SOX5: variants seen among roughly 807,000 people sequenced by gnomAD.
SOX5 encodes SRY-box transcription factor 5, also known as transcription factor SOX-5.
In SOX5, 9 loss-of-function variants were observed where a neutral mutation model predicts 92.0. That is an observed-to-expected ratio of 0.10 (90% CI 0.06 to 0.17). SOX5 has a LOEUF of 0.17. SOX5 is among the 10% of genes least tolerant of loss of function. The pLI is 1.00. For synonymous variants in SOX5, 344 were observed against 336.3 expected (o/e 1.02, Z -0.25); for missense variants, 642 against 944.5 (o/e 0.68, Z 4.20).
At chr12:23,721,332 G>A (rs1320185753) in intron 6 of SOX5, among the ~76,000 whole-genome samples, 3 of 152,042 alleles carry the variant, frequency 2.0e-5, no homozygotes, top group East Asian at 1.9e-4. Context: ...TGATCCACCA[G>A]CCTCAGCCTC....
At chr12:23,559,639 CCTT>C (rs1462300223) in intron 11 of SOX5, among the ~76,000 whole-genome samples, 1 of 152,156 alleles carries the variant, frequency 6.6e-6, no homozygotes, top group Non-Finnish European at 1.5e-5. Context: ...AGAATTAAGA[CCTT>C]CTAGCTGGGA....
rs539911795 is a variant in SOX5 at position 24,117,980 on chromosome 12, C to A, written c.-2+95363G>T. On this transcript the variant is annotated intron_variant, in intron 4 of 4. Transcript: ENST00000446891. ...GTTGCAGTAAGCCCAGATGGTGCCA[C>A]CGCATTCCAGCCTGGGGAACAGAGC... 2.0e-5 allele frequency among the ~76,000 whole-genome samples: 3 copies of A among 148,112 alleles called. No homozygotes were observed. The South Asian group carries it at 6.5e-4, about 32-fold the overall frequency.
chr12:24,262,587 A>T lies in SOX5; in HGVS notation c.-77+14629T>A, dbSNP rs566067353. On this transcript the variant is annotated intron_variant, in intron 3 of 4. Transcript: ENST00000446891. ...CATAGCAAGGTGACCCCATCTTGAG[A>T]CAACTGGCATTCCTAATATGGACAG... Among the ~76,000 whole-genome samples, 4 of 152,332 alleles carry T rather than the reference A, an allele frequency of 2.6e-5. No homozygotes were observed. The South Asian group carries it at 8.3e-4, about 32-fold the overall frequency.
intron 4 of SOX5, among the ~76,000 whole-genome samples, chr12:23,963,855 C>T (rs1947249954): frequency 6.7e-6 from 1 of 150,106 alleles, no homozygotes; most frequent in African/African-American, 2.4e-5. Flanking sequence ...AACAGGAATT[C>T]TGCAAATAAA....
intron 4 of SOX5, among the ~76,000 whole-genome samples, chr12:24,211,348 TTA>T (rs1161913279): frequency 1.3e-5 from 2 of 152,234 alleles, no homozygotes; most frequent in African/African-American, 4.8e-5. Context: ...AATCTTCACT[TTA>T]TGTTTTCTTC....
intron 4 of SOX5, among the ~76,000 whole-genome samples, chr12:24,147,518 A>G (rs1206763545): frequency 1.3e-5 from 2 of 152,200 alleles, no homozygotes; most frequent in East Asian, 3.8e-4. Context: ...ATCAGGAACA[A>G]GACAAGATGT....
intron 3 of SOX5, among the ~76,000 whole-genome samples, chr12:24,263,622 A>AT (rs1942584372): frequency 6.6e-6 from 1 of 152,050 alleles, no homozygotes; most frequent in African/African-American, 2.4e-5. Flanking sequence ...GTTTCTGTAC[A>AT]TTTTGAGCAC....
At chr12:23,864,340 C>T (rs1161783544) in intron 2 of SOX5, among the ~76,000 whole-genome samples, 1 of 152,018 alleles carries the variant, frequency 6.6e-6, no homozygotes, top group African/African-American at 2.4e-5. Context: ...CATACAATGG[C>T]CTCTAAGGGT....
intron 3 of SOX5, among the ~76,000 whole-genome samples, chr12:24,269,113 T>G (rs1594985087): frequency 6.6e-6 from 1 of 152,196 alleles, no homozygotes; most frequent in Non-Finnish European, 1.5e-5. Flanking sequence ...TTACAGTATA[T>G]TGGGATTATT....
At chr12:23,654,067 TA>T (rs2082012368) in intron 7 of SOX5, among the ~76,000 whole-genome samples, 1 of 152,040 alleles carries the variant, frequency 6.6e-6, no homozygotes, top group Non-Finnish European at 1.5e-5. Flanking sequence ...TATAAGACAA[TA>T]ATTATACAAA....
At chr12:24,145,125 A>G (rs1950945877) in intron 4 of SOX5, among the ~76,000 whole-genome samples, 1 of 152,078 alleles carries the variant, frequency 6.6e-6, no homozygotes, top group Non-Finnish European at 1.5e-5. Flanking sequence ...AAAGAAATAA[A>G]AAGGGAGGAA....
At chr12:24,000,599 CTA>C (rs1481438732) in intron 4 of SOX5, among the ~76,000 whole-genome samples, 2 of 151,936 alleles carry the variant, frequency 1.3e-5, no homozygotes, top group African/African-American at 4.8e-5. Context: ...TAAAATAAGA[CTA>C]GACAATATTC....
At chr12:24,407,385 G>A (rs1475906743) in intron 1 of SOX5, 1 of 152,176 alleles carries the variant, frequency 6.6e-6, no homozygotes, top group Non-Finnish European at 1.5e-5. Context: ...TCAGGCTGCT[G>A]ATATGGTTAA....
At chr12:24,379,801 T>C (rs1442800922) in intron 1 of SOX5, among the ~76,000 whole-genome samples, 4 of 148,992 alleles carry the variant, frequency 2.7e-5, no homozygotes, top group Non-Finnish European at 5.9e-5. Flanking sequence ...GCTTATTTCT[T>C]AAACTTCCTC....
chr12:24,095,146 G>GAGAGAGAGAGAGAC, intron 4 of SOX5, among the ~76,000 whole-genome samples: 1 of 150,274 alleles, frequency 6.7e-6, no homozygotes, highest in East Asian at 2.0e-4. Context: ...GAGAGAGAGA[G>GAGAGAGAGAGAGAC]AGAGAGAGAG....
chr12:23,607,423 T>C (rs75493412), intron 8 of SOX5, among the ~76,000 whole-genome samples: 1,643 of 152,318 alleles, frequency 0.011, 36 homozygotes, highest in African/African-American at 0.037. Flanking sequence ...TTAAAGAAGC[T>C]GACAATAATT....
intron 4 of SOX5, among the ~76,000 whole-genome samples, chr12:24,154,131 G>C (rs145523170): frequency 2.0e-5 from 3 of 152,128 alleles, no homozygotes; most frequent in African/African-American, 7.2e-5. Context: ...GGTTATCTAG[G>C]AGAGCAGTAG....
chr12:23,757,228 G>A (rs1347346683), intron 3 of SOX5, among the ~76,000 whole-genome samples: 1 of 151,852 alleles, frequency 6.6e-6, no homozygotes, highest in East Asian at 1.9e-4. Context: ...GAATGCAGTT[G>A]AAATGAATGA....
In SOX5 at chr12:23,843,129, C is replaced by T. The variant is rs531978007; in HGVS notation, c.481+2854G>A. ...AGACAAATTCCAATAGAGAGATATC[C>T]TGCAATATATCTGAACAGCACTCCT... On this transcript the variant is annotated intron_variant, in intron 3 of 14. Coordinates refer to ENST00000451604, the MANE Select transcript of SOX5 (RefSeq NM_006940.6). Among the ~76,000 whole-genome samples the T allele has an allele frequency of 2.0e-5, 3 of 152,154 alleles. No individual in the cohort carries two copies. In the East Asian group the frequency reaches 5.8e-4, roughly 29 times the overall value.
Sources: gnomAD v4.1 joint callset for allele counts (sites outside exome capture counted in the v4.1 genomes callset) on GRCh38, gnomAD v4.1.1 for gene constraint, MANE v1.5 for transcripts, NCBI Gene and HGNC (gene_info 2026-07-23, HGNC 2026-07-21) for gene names.